The following ZNF518A variants were observed in gnomAD, a reference collection of about 807,000 sequenced individuals.
ZNF518A encodes the protein zinc finger protein 518A, also known as zinc finger protein 518.
ZNF518A carries 47 observed loss-of-function variants against 102.7 expected under a neutral mutation model. The ratio of observed to expected loss-of-function variants is 0.46; its 90% confidence interval spans 0.36 to 0.58. The LOEUF (loss-of-function observed/expected upper bound fraction) is 0.58, where lower values mean the gene tolerates loss of function less well. Ranked by LOEUF, ZNF518A falls within the 20% of genes least tolerant of loss-of-function variation. The pLI, the probability that ZNF518A is intolerant of heterozygous loss-of-function variation, is 0.00. For synonymous variants in ZNF518A, 652 were observed against 594.6 expected, an observed-to-expected ratio of 1.10 and a Z score of -1.40; for missense variants, 1,793 against 1,699.8, an observed-to-expected ratio of 1.05 and a Z score of -0.96.
intron 3 of ZNF518A, among the ~76,000 whole-genome samples, chr10:96,148,804 C>G: frequency 6.6e-6 from 1 of 152,218 alleles, no homozygotes. Context: ...CAAGCTCTGC[C>G]TCCCAGGTTC....
chr10:96,201,745 T>G (rs2083645332), intron 1 of ZNF518A, among the ~76,000 whole-genome samples: 1 of 151,090 alleles, frequency 6.6e-6, no homozygotes. Context: ...TCTGCATTCA[T>G]TCATTCATTC....
At chr10:96,155,110 G>A in intron 3 of ZNF518A, among the ~76,000 whole-genome samples, 1 of 151,984 alleles carries the variant, frequency 6.6e-6, no homozygotes, top group East Asian at 1.9e-4. Context: ...TAATAATACA[G>A]TTTGATATAT....
chr10:96,179,997 G>C (rs1287740080), intron 1 of ZNF518A, among the ~76,000 whole-genome samples: 1 of 150,834 alleles, frequency 6.6e-6, no homozygotes, highest in Non-Finnish European at 1.5e-5. Flanking sequence ...TCCTTATTTG[G>C]CCTCCTGAGT....
At position 96,156,199 on chromosome 10, in the gene ZNF518A, G is replaced by T; in HGVS notation, c.-124G>T. 1 of 805,744 alleles carries T rather than the reference G, an allele frequency of 1.2e-6. No homozygotes were observed. The highest frequency in any genetic ancestry group is 3.9e-5 in the South Asian group (1 of 25,632). The allele number at this position is 805,744 out of a possible 1,614,324, so 49.9% of individuals were successfully genotyped here. On this transcript the variant is annotated splice_region_variant and 5_prime_UTR_variant, in exon 6 of 6. Coordinates refer to ENST00000316045, the MANE Select transcript of ZNF518A (RefSeq NM_001330736.2). Reference sequence around the variant, plus strand: ...TTCAATTCTTTGTTTAATTTTAGGTGAGTTATTGTGGGAAAAATCCTGTAT... The same window carrying T: ...TTCAATTCTTTGTTTAATTTTAGGTTAGTTATTGTGGGAAAAATCCTGTAT...
intron 1 of ZNF518A, among the ~76,000 whole-genome samples, chr10:96,171,755 CAAAG>C (rs1438303262): frequency 2.6e-5 from 4 of 152,008 alleles, no homozygotes; most frequent in East Asian, 1.9e-4. Context: ...TTTAAGTAGT[CAAAG>C]AAATAATGAC....
intron 3 of ZNF518A, among the ~76,000 whole-genome samples, chr10:96,152,559 A>G (rs2082501401): frequency 6.6e-6 from 1 of 152,218 alleles, no homozygotes; most frequent in Non-Finnish European, 1.5e-5. Context: ...AGATACATAC[A>G]CAGTCATACC....
At chr10:96,178,323 A>G (rs587681261) in intron 1 of ZNF518A, among the ~76,000 whole-genome samples, 1 of 152,142 alleles carries the variant, frequency 6.6e-6, no homozygotes, top group Non-Finnish European at 1.5e-5. Context: ...TCCTGAATAC[A>G]TGGAAATTAA....
At chr10:96,149,182 A>G (rs190349076) in intron 3 of ZNF518A, among the ~76,000 whole-genome samples, 79 of 152,264 alleles carry the variant, frequency 5.2e-4, no homozygotes, top group Non-Finnish European at 1.1e-3. Flanking sequence ...AAGTTTATAA[A>G]TGTTTATTTT....
chr10:96,158,634 A>G lies in ZNF518A; in HGVS notation c.2312A>G (p.Gln771Arg). Reference sequence around the variant, plus strand: ...AGAATCACATCTGTTTTCTCTCTCCAGAGCCAACAGGCATCAGAATTTCTG... The same window carrying G: ...AGAATCACATCTGTTTTCTCTCTCCGGAGCCAACAGGCATCAGAATTTCTG... ...MPRITSVFSL[Q>R]SQQASEFLPP... Residue 771 changes from glutamine (Q) to arginine (R), a missense_variant, in exon 6 of 6, where the codon CAG (glutamine) becomes CGG (arginine). Physicochemically the swap from Gln to Arg is conservative, Grantham distance 43 (BLOSUM62 1). Around this residue, in one of 3 missense-constraint regions of ZNF518A, gnomAD observed 1,741 missense variants for 1,622.6 expected, o/e 1.07. Coordinates refer to ENST00000316045, the MANE Select transcript of ZNF518A (RefSeq NM_001330736.2). The G allele has an allele frequency of 1.2e-6, 2 of 1,613,396 alleles. No homozygotes were observed. The highest frequency in any genetic ancestry group is 1.7e-6 in the Non-Finnish European group (2 of 1,179,642).
rs2082826583 is a variant in ZNF518A, at chr10:96,158,602, G to C, written c.2280G>C (p.Met760Ile). ...ACTTTTCTAATGTCGATTCACCTATGATGCCTAGAATCACATCTGTTTTCT... is the reference window on the plus strand; with the variant it reads ...ACTTTTCTAATGTCGATTCACCTATCATGCCTAGAATCACATCTGTTTTCT... Reference protein sequence around the residue: ...WEDFSNVDSPMMPRITSVFSL... With the variant: ...WEDFSNVDSPIMPRITSVFSL... Residue 760 changes from methionine to isoleucine, a missense_variant, in exon 6 of 6, where the codon ATG (methionine) becomes ATC (isoleucine). This residue lies in a region of ZNF518A where 1,741 missense variants were observed against 1,622.6 expected (regional missense o/e 1.07). Transcript: ENST00000316045. 1 of 1,613,198 alleles carries C rather than the reference G, an allele frequency of 6.2e-7. No homozygotes were observed. Among genetic ancestry groups the C allele is most frequent in the African/African-American group, 1.3e-5 (1 of 74,908 alleles).
At chr10:96,142,091 G>C (rs1196561573) in intron 3 of ZNF518A, among the ~76,000 whole-genome samples, 1 of 152,096 alleles carries the variant, frequency 6.6e-6, no homozygotes, top group African/African-American at 2.4e-5. Context: ...CAGTGATTTG[G>C]AAGGAGCTGG....
intron 1 of ZNF518A, among the ~76,000 whole-genome samples, chr10:96,184,921 T>C (rs1428781882): frequency 6.6e-6 from 1 of 152,222 alleles, no homozygotes; most frequent in African/African-American, 2.4e-5. Flanking sequence ...CCATTCTCCC[T>C]GTCACTTTCA....
At chr10:96,199,368 TG>T in intron 1 of ZNF518A, 4 of 271,278 alleles carry the variant, frequency 1.5e-5, no homozygotes, top group Admixed American at 1.2e-4. Context: ...TTTGTTTGTT[TG>T]TTTGTTTGCC....
At chr10:96,136,898 G>A (rs1364112642) in intron 3 of ZNF518A, among the ~76,000 whole-genome samples, 4 of 152,162 alleles carry the variant, frequency 2.6e-5, no homozygotes, top group African/African-American at 9.7e-5. Context: ...AGCTTTTGCT[G>A]TAAATGGCCA....
chr10:96,202,984 C>A (rs2083686291), intron 1 of ZNF518A, among the ~76,000 whole-genome samples: 2 of 152,206 alleles, frequency 1.3e-5, no homozygotes, highest in African/African-American at 4.8e-5. Context: ...CCACCCACCC[C>A]TGCTGCTGCG....
At chr10:96,140,995 C>G (rs2081896161) in intron 3 of ZNF518A, among the ~76,000 whole-genome samples, 1 of 151,986 alleles carries the variant, frequency 6.6e-6, no homozygotes, top group Non-Finnish European at 1.5e-5. Context: ...GTGTTTTAAA[C>G]CAAGTTCCAA....
At chr10:96,131,835 A>G (rs1484208900) in intron 1 of ZNF518A, among the ~76,000 whole-genome samples, 2 of 152,152 alleles carry the variant, frequency 1.3e-5, no homozygotes, top group East Asian at 1.9e-4. Flanking sequence ...AGAAGTTTCT[A>G]TATTTTGAAA....
chr10:96,166,370 A>G (rs2083140440), downstream of ZNF518A, among the ~76,000 whole-genome samples: 1 of 152,182 alleles, frequency 6.6e-6, no homozygotes, highest in South Asian at 2.1e-4. Flanking sequence ...GCCTGACTTT[A>G]TTTGTAACAG....
At chr10:96,191,965 T>A (rs949259126) in intron 1 of ZNF518A, 1 of 1,613,642 alleles carries the variant, frequency 6.2e-7, no homozygotes, top group Non-Finnish European at 8.5e-7. Flanking sequence ...GATCTTTTTT[T>A]TCCCCCTTTA....
Sources: gnomAD v4.1 joint callset for allele counts (sites outside exome capture counted in the v4.1 genomes callset) on GRCh38, gnomAD v4.1.1 for gene constraint, gnomAD v4.1.1 regional missense constraint, MANE v1.5 for transcripts, NCBI Gene and HGNC (gene_info 2026-07-23, HGNC 2026-07-21) for gene names.